Variants in RASSF8 observed in about 807,000 individuals in gnomAD.
RASSF8 encodes the protein ras association domain-containing protein 8.
RASSF8 carries 22 observed loss-of-function variants against 48.5 expected under a neutral mutation model. That is an observed-to-expected ratio of 0.45 (90% CI 0.32 to 0.65). The LOEUF (loss-of-function observed/expected upper bound fraction) is 0.65, where lower values mean the gene tolerates loss of function less well. Among genes scored for constraint, RASSF8 ranks in the 30% least tolerant of loss-of-function variants. The pLI is 0.03. For synonymous variants in RASSF8, 127 were observed against 171.5 expected (o/e 0.74, Z 2.03); for missense variants, 418 against 489.2 (o/e 0.85, Z 1.37).
At chr12:26,016,235 G>A (rs1288287097) in intron 2 of RASSF8, among the ~76,000 whole-genome samples, 2 of 150,198 alleles carry the variant, frequency 1.3e-5, no homozygotes, top group African/African-American at 4.9e-5. Context: ...TGTTTGTTTG[G>A]TTGGTTTTTG....
Position 26,064,560 on chromosome 12 carries a change from C to T in RASSF8, c.166C>T (p.His56Tyr). 6.2e-7 allele frequency: 1 copy of T among 1,612,970 alleles called. No homozygotes were observed. Among genetic ancestry groups the T allele is most frequent in the South Asian group, 1.1e-5 (1 of 90,828 alleles). Residue 56 changes from histidine to tyrosine, a missense_variant, in exon 4 of 6, where the codon CAT becomes TAT. His to Tyr is a moderately conservative substitution (Grantham distance 83). Coordinates refer to ENST00000689635, the MANE Select transcript of RASSF8 (RefSeq NM_001394098.1). The stretch of plus-strand genomic sequence containing the variant: ...AGATACTGAAAGACACTTAGCACCT[C>T]ATGAAAATCCTATCATATCCTTAAA... ...WRDTERHLAP[H>Y]ENPIISLNKW...
At chr12:26,031,760 G>T (rs750137341) in intron 2 of RASSF8, among the ~76,000 whole-genome samples, 1 of 152,108 alleles carries the variant, frequency 6.6e-6, no homozygotes, top group Non-Finnish European at 1.5e-5. Context: ...GAGAAAAAGA[G>T]GGTTAATAGA....
At chr12:25,973,824 C>A (rs1941539397) in intron 1 of RASSF8, 1 of 152,232 alleles carries the variant, frequency 6.6e-6, no homozygotes, top group Non-Finnish European at 1.5e-5. Flanking sequence ...ACCTGATCCG[C>A]TGGTGCCATA....
chr12:25,977,445 T>A (rs1390999405), intron 1 of RASSF8, among the ~76,000 whole-genome samples: 1 of 152,206 alleles, frequency 6.6e-6, no homozygotes, highest in African/African-American at 2.4e-5. Context: ...ACAACCCAAC[T>A]TCCTACTAAG....
chr12:25,978,067 C>G lies in RASSF8; in HGVS notation c.-202-16970C>G, dbSNP rs1000322290. Among the ~76,000 whole-genome samples, 3 of 152,200 alleles carry G rather than the reference C, an allele frequency of 2.0e-5. No homozygotes were observed. In the South Asian group the frequency reaches 6.2e-4, roughly 32 times the overall value. On this transcript the variant is annotated intron_variant, in intron 1 of 5. Transcript: ENST00000689635. ...CCTTCTACCCACTTGCTTATCTGTG[C>G]TGAGCGAATGCACTTTGATGGCATT...
intron 1 of RASSF8, among the ~76,000 whole-genome samples, chr12:25,987,670 T>C (rs1941918850): frequency 6.6e-6 from 1 of 152,224 alleles, no homozygotes; most frequent in Admixed American, 6.5e-5. Context: ...AATTAAATAG[T>C]TGTTTAAAAC....
chr12:25,962,171 A>G (rs1288097547), intron 1 of RASSF8, among the ~76,000 whole-genome samples: 5 of 152,110 alleles, frequency 3.3e-5, no homozygotes, highest in Non-Finnish European at 7.3e-5. Context: ...ATCCTGCATG[A>G]TTTGATCTCT....
Position 26,065,356 on chromosome 12 carries a change from G to C in RASSF8, c.962G>C (p.Arg321Thr), listed in dbSNP as rs890213817. Residue 321 changes from arginine (R) to threonine (T), a missense_variant, in exon 4 of 6, where the codon AGA becomes ACA. Physicochemically the swap from Arg to Thr is moderately conservative, Grantham distance 71. Coordinates refer to ENST00000689635, the MANE Select transcript of RASSF8 (RefSeq NM_001394098.1). ...GAAAATGGCATCAAAGCTGTGGAAA[G>C]ATCTCTTGGACAAGCCACCAAACGC... The part of the protein sequence containing the change: ...RLENGIKAVE[R>T]SLGQATKRLQ... 3.7e-6 allele frequency: 6 copies of C among 1,613,524 alleles called. No homozygotes were observed. The highest frequency in any genetic ancestry group is 3.3e-5 in the Admixed American group (2 of 59,968).
intron 1 of RASSF8, among the ~76,000 whole-genome samples, chr12:25,980,857 C>G (rs2136906508): frequency 6.6e-6 from 1 of 152,266 alleles, no homozygotes. Context: ...TAAACACTTT[C>G]CTCTTAAGAA....
intron 4 of RASSF8, among the ~76,000 whole-genome samples, chr12:26,066,238 C>T (rs1264063761): frequency 6.6e-6 from 1 of 152,126 alleles, no homozygotes. Context: ...TTGGACTGTG[C>T]TGGTTTAGAG....
At position 26,072,147 on chromosome 12, in the gene RASSF8, T is replaced by C. The variant is rs2137345640; in HGVS notation, c.*3329T>C. 2 of 983,798 alleles carry C rather than the reference T, an allele frequency of 2.0e-6. No individual in the cohort carries two copies. Among genetic ancestry groups the C allele is most frequent in the African/African-American group, 1.7e-5 (1 of 57,350 alleles). 60.9% of individuals were successfully genotyped at this position (983,798 alleles called of 1,614,324 possible). On this transcript the variant is annotated 3_prime_UTR_variant, in exon 6 of 6. Coordinates refer to ENST00000689635, the MANE Select transcript of RASSF8 (RefSeq NM_001394098.1). ...AATTTGGCCTTAATTTATATAACGA[T>C]GCTGTGTTCACATCCCTCTCCTACC... is the stretch of plus-strand genomic sequence containing the variant.
intron 2 of RASSF8, among the ~76,000 whole-genome samples, chr12:26,053,170 T>C (rs1256908235): frequency 7.5e-6 from 1 of 133,018 alleles, no homozygotes; most frequent in East Asian, 2.1e-4. Flanking sequence ...ATAGATCTTA[T>C]GTTTTCTTCC....
At chr12:25,974,504 T>C (rs1461891068) in intron 1 of RASSF8, among the ~76,000 whole-genome samples, 1 of 152,102 alleles carries the variant, frequency 6.6e-6, no homozygotes, top group Non-Finnish European at 1.5e-5. Context: ...TACCTTTTTT[T>C]TTTTTTTTTA....
intron 2 of RASSF8, among the ~76,000 whole-genome samples, chr12:26,012,752 C>G (rs7315752): frequency 0.41 from 61,754 of 148,988 alleles, 13,006 homozygotes; most frequent in Non-Finnish European, 0.45. Flanking sequence ...ATGAACATAG[C>G]TCACTGGAGC....
At chr12:25,970,332 G>A (rs1369621291) in intron 1 of RASSF8, among the ~76,000 whole-genome samples, 4 of 152,114 alleles carry the variant, frequency 2.6e-5, no homozygotes, top group Non-Finnish European at 5.9e-5. Context: ...CGGGATCAGT[G>A]TGTCACCTAA....
intron 3 of RASSF8, among the ~76,000 whole-genome samples, chr12:26,058,034 A>G (rs1254611491): frequency 6.6e-6 from 1 of 152,244 alleles, no homozygotes; most frequent in African/African-American, 2.4e-5. Context: ...GGTACCATGT[A>G]TGTGCTTGCC....
intron 2 of RASSF8, among the ~76,000 whole-genome samples, chr12:26,004,745 G>A (rs1388712931): frequency 1.3e-5 from 2 of 152,146 alleles, no homozygotes; most frequent in Admixed American, 6.5e-5. Flanking sequence ...GAGCTCTTCT[G>A]ACATGACATG....
chr12:25,963,466 T>C (rs758679214), intron 1 of RASSF8, among the ~76,000 whole-genome samples: 1 of 152,238 alleles, frequency 6.6e-6, no homozygotes, highest in African/African-American at 2.4e-5. Context: ...CTGTTATTGA[T>C]GTTTGTAATC....
intron 2 of RASSF8, among the ~76,000 whole-genome samples, chr12:26,048,374 GGAA>G (rs762140019): frequency 1.3e-4 from 20 of 152,118 alleles, no homozygotes; most frequent in Non-Finnish European, 2.8e-4. Context: ...TTATGACTTG[GGAA>G]GAAGAATATA....
Sources: gnomAD v4.1 joint callset for allele counts (sites outside exome capture counted in the v4.1 genomes callset) on GRCh38, gnomAD v4.1.1 for gene constraint, MANE v1.5 for transcripts, NCBI Gene and HGNC (gene_info 2026-07-23, HGNC 2026-07-21) for gene names.